Variants in SCAMP1 observed in about 807,000 individuals in gnomAD.
SCAMP1 encodes the protein secretory carrier membrane protein 1.
In SCAMP1, 15 loss-of-function variants were observed where a neutral mutation model predicts 41.8. That is an observed-to-expected ratio of 0.36 (90% CI 0.24 to 0.55). The LOEUF is 0.55. Ranked by LOEUF, SCAMP1 falls within the 20% of genes least tolerant of loss-of-function variation. SCAMP1 has a pLI of 0.86. For synonymous variants in SCAMP1, 135 were observed against 136.8 expected, an observed-to-expected ratio of 0.99 and a Z score of 0.09; for missense variants, 341 against 412.6, an observed-to-expected ratio of 0.83 and a Z score of 1.50.
chr5:78,475,405 C>G, intron 8 of SCAMP1, 99 bp from the exon 9 acceptor site: 1 of 784,532 alleles, frequency 1.3e-6, no homozygotes, highest in Non-Finnish European at 1.9e-6. Context: ...TGACTACAAT[C>G]TAGTATTTTT....
At chr5:78,453,094 C>T (rs1347299697) in intron 7 of SCAMP1, among the ~76,000 whole-genome samples, 1 of 149,740 alleles carries the variant, frequency 6.7e-6, no homozygotes, top group Admixed American at 6.6e-5. Flanking sequence ...AGCCCTTTGT[C>T]AGACGAGTAG....
chr5:78,409,999 G>GT (rs1212143797), intron 2 of SCAMP1, among the ~76,000 whole-genome samples: 2 of 151,998 alleles, frequency 1.3e-5, no homozygotes, highest in Admixed American at 6.6e-5. Flanking sequence ...GATGCTTTTG[G>GT]TTTTTTGCTG....
At chr5:78,464,551 T>TA (rs1753694895) in intron 8 of SCAMP1, among the ~76,000 whole-genome samples, 1 of 152,218 alleles carries the variant, frequency 6.6e-6, no homozygotes, top group Admixed American at 6.5e-5. Context: ...GCAGTCCATT[T>TA]AATATATAAT....
chr5:78,464,892 A>C (rs573416384), intron 8 of SCAMP1, among the ~76,000 whole-genome samples: 71 of 152,342 alleles, frequency 4.7e-4, no homozygotes, highest in African/African-American at 1.7e-3. Context: ...GTGACGTCTC[A>C]CAGCTCCATG....
rs2112103422 is a variant in SCAMP1, at chr5:78,397,881, T to C, written c.135+8967T>C. Among the ~76,000 whole-genome samples the C allele has an allele frequency of 1.3e-5, 2 of 152,284 alleles. 1 individual carries two copies. The highest frequency in any genetic ancestry group is 6.8e-3 in the Middle Eastern group (2 of 294). ...ACATTGTTAGCTGTCAAGATGCAAA[T>C]GAAAACCACAAGGAGGATACCACTT... On this transcript the variant is annotated intron_variant, in intron 2 of 8. Transcript: ENST00000621999.
At chr5:78,415,200 G>A (rs1342361017) in intron 2 of SCAMP1, among the ~76,000 whole-genome samples, 1 of 152,118 alleles carries the variant, frequency 6.6e-6, no homozygotes, top group African/African-American at 2.4e-5. Flanking sequence ...TGATCTACAC[G>A]CCTTGGCCTC....
At chr5:78,468,563 G>A (rs890742215) in intron 8 of SCAMP1, among the ~76,000 whole-genome samples, 7 of 152,092 alleles carry the variant, frequency 4.6e-5, no homozygotes, top group African/African-American at 1.4e-4. Context: ...TTTGGGACCT[G>A]ATTTTGAATG....
chr5:78,459,592 A>G (rs575799903), intron 8 of SCAMP1, among the ~76,000 whole-genome samples: 6 of 152,260 alleles, frequency 3.9e-5, no homozygotes, highest in African/African-American at 9.6e-5. Context: ...ATTTTAACTG[A>G]AGGCTTTCAT....
intron 6 of SCAMP1, among the ~76,000 whole-genome samples, chr5:78,436,985 A>G (rs1752773534): frequency 6.6e-6 from 1 of 152,132 alleles, no homozygotes; most frequent in African/African-American, 2.4e-5. Flanking sequence ...TCTTTGTAGC[A>G]GTTGTGAATG....
chr5:78,408,675 G>C (rs753381393), intron 2 of SCAMP1, among the ~76,000 whole-genome samples: 1 of 152,012 alleles, frequency 6.6e-6, no homozygotes, highest in Admixed American at 6.6e-5. Context: ...ATCTTGGCTC[G>C]TTACAACCTG....
chr5:78,377,107 GA>G (rs894006059), intron 1 of SCAMP1, among the ~76,000 whole-genome samples: 1 of 149,688 alleles, frequency 6.7e-6, no homozygotes, highest in Non-Finnish European at 1.5e-5. Flanking sequence ...GGGAGGTAAG[GA>G]AAAAAAAAGC....
intron 7 of SCAMP1, among the ~76,000 whole-genome samples, chr5:78,456,313 C>T (rs1207997999): frequency 1.1e-4 from 16 of 151,590 alleles, no homozygotes; most frequent in Admixed American, 4.0e-4. Flanking sequence ...GATTTTGCAG[C>T]GGCTGGTACC....
At chr5:78,422,023 A>G in intron 6 of SCAMP1, 63 bp downstream of exon 6, 1 of 1,355,962 alleles carries the variant, frequency 7.4e-7, no homozygotes. Flanking sequence ...TTCGTAGTAT[A>G]CATTAAAGGG....
chr5:78,399,306 T>C (rs1303476658), intron 2 of SCAMP1, among the ~76,000 whole-genome samples: 3 of 152,234 alleles, frequency 2.0e-5, no homozygotes, highest in Non-Finnish European at 1.5e-5. Context: ...TGTATGGATG[T>C]AAGTTTTCAG....
At chr5:78,370,370 G>C in intron 1 of SCAMP1, among the ~76,000 whole-genome samples, 1 of 152,328 alleles carries the variant, frequency 6.6e-6, no homozygotes, top group East Asian at 1.9e-4. Flanking sequence ...ATTTAACCTT[G>C]TAACAAGTCT....
rs1374115692 is a variant in SCAMP1 at position 78,480,382 on chromosome 5, G to T, written c.*4714G>T. Among the ~76,000 whole-genome samples, 2 of 152,114 alleles carry T rather than the reference G, an allele frequency of 1.3e-5. No homozygotes were observed. Among genetic ancestry groups the T allele is most frequent in the Non-Finnish European group, 2.9e-5 (2 of 68,016 alleles). On this transcript the variant is annotated 3_prime_UTR_variant, in exon 9 of 9. Coordinates refer to ENST00000621999, the MANE Select transcript of SCAMP1 (RefSeq NM_004866.6). ...ATACAAGTTTTATTTTTAAATTCTA[G>T]TTATTTTCAGTGCTTACTTAAATGT...
intron 5 of SCAMP1, among the ~76,000 whole-genome samples, chr5:78,421,170 TAACCA>T (rs1444755414): frequency 1.3e-5 from 2 of 152,188 alleles, no homozygotes; most frequent in African/African-American, 4.8e-5. Flanking sequence ...CTATTTGTGT[TAACCA>T]AAAGAAAAGC....
chr5:78,361,666 A>G (rs1373528017), intron 1 of SCAMP1, among the ~76,000 whole-genome samples: 1 of 152,232 alleles, frequency 6.6e-6, no homozygotes, highest in African/African-American at 2.4e-5. Flanking sequence ...GAATTTCCTA[A>G]TGAGTGTAAC....
At chr5:78,469,139 A>G (rs1753813901) in intron 8 of SCAMP1, among the ~76,000 whole-genome samples, 1 of 152,144 alleles carries the variant, frequency 6.6e-6, no homozygotes. Flanking sequence ...TTTCTTGAAA[A>G]TATTGTTATC....
Sources: gnomAD v4.1 joint callset for allele counts (sites outside exome capture counted in the v4.1 genomes callset) on GRCh38, gnomAD v4.1.1 for gene constraint, MANE v1.5 for transcripts, NCBI Gene and HGNC (gene_info 2026-07-23, HGNC 2026-07-21) for gene names.